Variants in RAB11FIP3 observed in about 807,000 individuals in gnomAD.
RAB11FIP3 encodes the protein rab11 family-interacting protein 3.
RAB11FIP3 carries 17 observed loss-of-function variants against 77.8 expected under a neutral mutation model. The observed-to-expected ratio is 0.22, with a 90% CI of 0.15 to 0.33. The LOEUF (loss-of-function observed/expected upper bound fraction) is 0.33. Among genes scored for constraint, RAB11FIP3 ranks in the 10% least tolerant of loss-of-function variants. RAB11FIP3 has a pLI of 1.00. For missense variants in RAB11FIP3, 1,005 were observed against 1,011.2 expected, an observed-to-expected ratio of 0.99 and a Z score of 0.08; for synonymous variants, 437 against 448.2, an observed-to-expected ratio of 0.98 and a Z score of 0.31.
At chr16:484,542 G>A (rs1170907687) in intron 4 of RAB11FIP3, among the ~76,000 whole-genome samples, 2 of 152,070 alleles carry the variant, frequency 1.3e-5, no homozygotes, top group Admixed American at 6.5e-5. Context: ...TAGTAGAGAC[G>A]GGGTTTCACC....
chr16:481,179 G>A (rs1312884421), intron 3 of RAB11FIP3, among the ~76,000 whole-genome samples: 1 of 151,974 alleles, frequency 6.6e-6, no homozygotes, highest in Non-Finnish European at 1.5e-5. Context: ...GCACAGTGGT[G>A]TGATCACATC....
In RAB11FIP3 at chr16:426,844, C is replaced by T; in HGVS notation, c.714+124C>T. 3.1e-6 allele frequency: 2 copies of T among 639,600 alleles called. No individual in the cohort carries two copies. The highest frequency in any genetic ancestry group is 4.9e-6 in the Non-Finnish European group (2 of 410,144). The allele number at this position is 639,600 out of a possible 1,614,324, so 39.6% of individuals were successfully genotyped here. ...AAGGCACTGTCAAGACCTGACGGTC[C>T]TGCTTTTTCTGCTTATTCACCACTT... On this transcript the variant is annotated intron_variant, in intron 1 of 13. Coordinates refer to ENST00000262305, the MANE Select transcript of RAB11FIP3 (RefSeq NM_014700.4). This position sits in a 1 kb window ranked among gnomAD's most constrained non-coding sequence, Gnocchi z 5.0.
chr16:448,580 C>G (rs909654651), intron 1 of RAB11FIP3, among the ~76,000 whole-genome samples: 2 of 151,526 alleles, frequency 1.3e-5, no homozygotes, highest in African/African-American at 4.9e-5. Context: ...AATAAAAATA[C>G]AAAATATTAG....
Position 441,466 on chromosome 16 carries a change from C to T in RAB11FIP3, c.714+14746C>T, listed in dbSNP as rs186951515. On this transcript the variant is annotated intron_variant, in intron 1 of 13. Coordinates refer to ENST00000262305, the MANE Select transcript of RAB11FIP3 (RefSeq NM_014700.4). Reference sequence around the variant, plus strand: ...CCCTCTGTGTCACCCTCCAGTAAGTCCTGCCGATTCATTCAAAGCCCCACC... The same window carrying T: ...CCCTCTGTGTCACCCTCCAGTAAGTTCTGCCGATTCATTCAAAGCCCCACC... Among the ~76,000 whole-genome samples the T allele has an allele frequency of 2.3e-3, 352 of 152,290 alleles. 3 individuals are homozygous for T. The highest frequency in any genetic ancestry group is 4.6e-3 in the Non-Finnish European group (311 of 68,026).
At chr16:485,372 G>C (rs2056133732) in intron 4 of RAB11FIP3, among the ~76,000 whole-genome samples, 1 of 152,064 alleles carries the variant, frequency 6.6e-6, no homozygotes, top group African/African-American at 2.4e-5. Flanking sequence ...CCTTTTTGCT[G>C]CTCTGTGGGT....
At chr16:496,799 C>T (rs1320207096) in intron 5 of RAB11FIP3, 25 bp from the exon 6 acceptor site, 7 of 1,571,290 alleles carry the variant, frequency 4.5e-6, no homozygotes. Context: ...TAACAATTTT[C>T]CTGTTTATTT....
At chr16:444,229 A>G (rs1457210435) in intron 1 of RAB11FIP3, among the ~76,000 whole-genome samples, 2 of 152,204 alleles carry the variant, frequency 1.3e-5, no homozygotes, top group Admixed American at 1.3e-4. Flanking sequence ...ATAGGCCATC[A>G]GTCTGCGTCA....
At chr16:477,954 T>C (rs2055952512) in intron 3 of RAB11FIP3, among the ~76,000 whole-genome samples, 1 of 152,158 alleles carries the variant, frequency 6.6e-6, no homozygotes, top group African/African-American at 2.4e-5. Flanking sequence ...GGTGGCCACC[T>C]TGTGAGACGA....
chr16:502,165 T>C (rs1347045327), intron 6 of RAB11FIP3, among the ~76,000 whole-genome samples: 3 of 151,740 alleles, frequency 2.0e-5, no homozygotes, highest in African/African-American at 7.3e-5. Flanking sequence ...GCTCTGAGAG[T>C]TTTCTGTACT....
At chr16:429,219 C>T (rs1055009720) in intron 1 of RAB11FIP3, among the ~76,000 whole-genome samples, 1 of 152,150 alleles carries the variant, frequency 6.6e-6, no homozygotes, top group Non-Finnish European at 1.5e-5. Context: ...TGTAAACTCA[C>T]CACTCACTAC....
chr16:507,546 C>G lies in RAB11FIP3; in HGVS notation c.1499+1919C>G, dbSNP rs2031933448. ...AGAGGCGTGAGCCACCATGTCCAGC[C>G]TAGATGCCTTTGTCGAGTTGACTGT... On this transcript the variant is annotated intron_variant, in intron 8 of 13. Coordinates refer to ENST00000262305, the MANE Select transcript of RAB11FIP3 (RefSeq NM_014700.4). The surrounding 1 kb of genome is among the most constrained non-coding windows in gnomAD (Gnocchi z 4.6). Among the ~76,000 whole-genome samples, 1 of 152,222 alleles carries G rather than the reference C, an allele frequency of 6.6e-6. No individual in the cohort carries two copies. The highest frequency in any genetic ancestry group is 1.5e-5 in the Non-Finnish European group (1 of 68,042).
At chr16:489,044 C>T (rs202154603) in intron 5 of RAB11FIP3, 44 bp downstream of exon 5, 59 of 1,590,588 alleles carry the variant, frequency 3.7e-5, no homozygotes, top group African/African-American at 3.6e-4. Flanking sequence ...CTCTTCTTCC[C>T]GTGGTTAGTA....
At chr16:493,920 T>C (rs2030851282) in intron 5 of RAB11FIP3, among the ~76,000 whole-genome samples, 1 of 140,370 alleles carries the variant, frequency 7.1e-6, no homozygotes, top group African/African-American at 2.7e-5. Flanking sequence ...TTTTTCTTTT[T>C]TGAGACAGAG....
rs917913843 is a variant in RAB11FIP3 at position 505,218 on chromosome 16, T to G, written c.1396-306T>G. ...GGCTGAGCAGAGACCCAACTGTGTGTTGGGGGGCTGAGTCTTGCTGCCCAC... is the reference window on the plus strand; with the variant it reads ...GGCTGAGCAGAGACCCAACTGTGTGGTGGGGGGCTGAGTCTTGCTGCCCAC... On this transcript the variant is annotated intron_variant, in intron 7 of 13. Transcript: ENST00000262305. The surrounding 1 kb of genome is among the most constrained non-coding windows in gnomAD (Gnocchi z 4.0). Among the ~76,000 whole-genome samples the G allele has an allele frequency of 6.6e-6, 1 of 151,960 alleles. No homozygotes were observed. The highest frequency in any genetic ancestry group is 1.5e-5 in the Non-Finnish European group (1 of 67,994).
intron 1 of RAB11FIP3, among the ~76,000 whole-genome samples, chr16:442,732 C>A (rs2055247949): frequency 6.6e-6 from 1 of 152,204 alleles, no homozygotes; most frequent in African/African-American, 2.4e-5. Flanking sequence ...GAGCTCCACC[C>A]TGTTGCTTTA....
intron 4 of RAB11FIP3, among the ~76,000 whole-genome samples, chr16:488,059 C>T (rs535577410): frequency 6.6e-6 from 1 of 152,116 alleles, no homozygotes; most frequent in Non-Finnish European, 1.5e-5. Flanking sequence ...GAAATGACTG[C>T]GTGTTGGGCT....
intron 7 of RAB11FIP3, among the ~76,000 whole-genome samples, chr16:503,566 G>C (rs1396768591): frequency 2.0e-5 from 3 of 152,108 alleles, no homozygotes; most frequent in African/African-American, 7.2e-5. Context: ...GCCAGGGCAA[G>C]GCAGCCTTGC....
chr16:510,327 G>A (rs1386459290), intron 8 of RAB11FIP3: 7 of 284,960 alleles, frequency 2.5e-5, no homozygotes, highest in Non-Finnish European at 2.0e-5. Context: ...AACACAGAGT[G>A]CACCAGGAGA....
At chr16:453,074 T>TTTTTTTA (rs1250892779) in intron 1 of RAB11FIP3, among the ~76,000 whole-genome samples, 3 of 116,592 alleles carry the variant, frequency 2.6e-5, no homozygotes, top group Non-Finnish European at 5.3e-5. Flanking sequence ...TTTTTTAATT[T>TTTTTTTA]TTTTTTATTT....
Sources: allele counts gnomAD v4.1 joint callset (sites outside exome capture counted in the v4.1 genomes callset), GRCh38; gene constraint gnomAD v4.1.1; non-coding constraint Gnocchi (gnomAD v3.1); transcripts MANE v1.5; gene names NCBI Gene and HGNC (gene_info 2026-07-23, HGNC 2026-07-21).